Variants in CD44 observed in about 807,000 individuals in gnomAD.
CD44 encodes the protein CD44 molecule (IN blood group), also known as CD44 antigen.
A neutral mutation model predicts 88.8 loss-of-function variants in CD44; 49 were observed. The observed-to-expected ratio is 0.55, with a 90% confidence interval of 0.44 to 0.70. The LOEUF (loss-of-function observed/expected upper bound fraction) is 0.70, where lower values mean the gene tolerates loss of function less well. CD44 is among the 30% of genes least tolerant of loss of function. The pLI is 0.00. For missense variants in CD44, 883 were observed against 913.8 expected (o/e 0.97, Z 0.43); for synonymous variants, 325 against 312.3 (o/e 1.04, Z -0.43).
chr11:35,207,930 T>G (rs1464513528), intron 11 of CD44, among the ~76,000 whole-genome samples, 175 bp from the exon 12 acceptor site: 2 of 152,320 alleles, frequency 1.3e-5, no homozygotes, highest in East Asian at 1.9e-4. Context: ...AGTTACTTGT[T>G]GTGGTGCTCT....
At chr11:35,194,833 A>T (rs1160917081) in intron 5 of CD44, among the ~76,000 whole-genome samples, 1 of 152,254 alleles carries the variant, frequency 6.6e-6, no homozygotes, top group East Asian at 1.9e-4. Flanking sequence ...TGAAATTATG[A>T]AAAACTACAA....
chr11:35,181,905 T>TATTATATATTTATATTATATATA (rs1291148360), intron 3 of CD44, among the ~76,000 whole-genome samples: 9 of 66,104 alleles, frequency 1.4e-4, no homozygotes, highest in African/African-American at 7.1e-4. Context: ...ATATAATATA[T>TATTATATATTTATATTATATATA]AATATATATT....
intron 15 of CD44, 160 bp from the exon 16 acceptor site, chr11:35,219,156 G>A (rs889096491): frequency 3.6e-5 from 22 of 616,876 alleles, no homozygotes; most frequent in Non-Finnish European, 6.4e-5. Flanking sequence ...AGGTGGGGGG[G>A]AAATCTTTTG....
At chr11:35,217,514 A>G (rs1268294172) in intron 15 of CD44, among the ~76,000 whole-genome samples, 1 of 151,936 alleles carries the variant, frequency 6.6e-6, no homozygotes, top group Non-Finnish European at 1.5e-5. Context: ...AGGGCCTTGG[A>G]CTGTTTTGGA....
intron 3 of CD44, among the ~76,000 whole-genome samples, chr11:35,181,873 A>G (rs1456356132): frequency 7.5e-5 from 6 of 80,130 alleles, no homozygotes; most frequent in African/African-American, 3.7e-4. Context: ...ATATATATAT[A>G]TTATATATAA....
At chr11:35,145,880 C>T (rs1358911416) in intron 1 of CD44, among the ~76,000 whole-genome samples, 5 of 152,166 alleles carry the variant, frequency 3.3e-5, no homozygotes, top group African/African-American at 4.8e-5. Flanking sequence ...GGGGCAAATC[C>T]GTAGGGAATC....
intron 16 of CD44, among the ~76,000 whole-genome samples, chr11:35,220,427 G>A (rs1949198915): frequency 6.6e-6 from 1 of 152,158 alleles, no homozygotes. Context: ...CCAGGAAAAG[G>A]TGAGGCAAAG....
At chr11:35,201,873 G>C in intron 9 of CD44, 86 bp downstream of exon 9, 1 of 1,379,542 alleles carries the variant, frequency 7.2e-7, no homozygotes, top group Non-Finnish European at 1.0e-6. Context: ...TTAGAAATTG[G>C]CCGCATCTTC....
chr11:35,174,890 C>T (rs80176685), intron 1 of CD44, among the ~76,000 whole-genome samples: 14,864 of 152,140 alleles, frequency 0.098, 856 homozygotes, highest in African/African-American at 0.14. Context: ...AGTAAAAGGC[C>T]CTTGCTTTCT....
intron 12 of CD44, 81 bp downstream of exon 12, chr11:35,208,287 C>T: frequency 2.1e-6 from 2 of 950,272 alleles, no homozygotes; most frequent in South Asian, 2.6e-5. Context: ...AGATGCAGAG[C>T]TTTGGTGGTG....
intron 1 of CD44, among the ~76,000 whole-genome samples, chr11:35,159,588 C>G (rs1270978475): frequency 6.6e-6 from 1 of 152,166 alleles, no homozygotes; most frequent in Non-Finnish European, 1.5e-5. Context: ...CATTTATTAA[C>G]TATCTGTTAT....
At chr11:35,180,246 T>A (rs1204806475) in intron 2 of CD44, 28 bp from the exon 3 acceptor site, 1 of 1,612,982 alleles carries the variant, frequency 6.2e-7, no homozygotes, top group African/African-American at 1.3e-5. Context: ...GCCATTTAGG[T>A]CAATATCCTG....
chr11:35,190,400 T>C (rs1418858299), intron 5 of CD44: 2 of 316,556 alleles, frequency 6.3e-6, no homozygotes, highest in Non-Finnish European at 1.2e-5. Flanking sequence ...GTTTTCATTT[T>C]TTCATGTTTC....
intron 4 of CD44, among the ~76,000 whole-genome samples, chr11:35,189,285 G>C (rs1455476139): frequency 1.3e-5 from 2 of 152,148 alleles, no homozygotes; most frequent in African/African-American, 2.4e-5. Context: ...TGCACAAGTG[G>C]ACAAAACTTG....
At chr11:35,144,180 G>A (rs543145648) in intron 1 of CD44, among the ~76,000 whole-genome samples, 1 of 152,314 alleles carries the variant, frequency 6.6e-6, no homozygotes, top group South Asian at 2.1e-4. Context: ...GAGATCACCT[G>A]GGCCTCCTCA....
intron 1 of CD44, among the ~76,000 whole-genome samples, chr11:35,158,037 C>A (rs1028700793): frequency 2.0e-5 from 3 of 152,166 alleles, no homozygotes; most frequent in Non-Finnish European, 4.4e-5. Flanking sequence ...TCTGTTTGAG[C>A]TTCCTGTTCT....
rs928034042 is a variant in CD44 at position 35,198,259 on chromosome 11, A to T, written c.922+13A>T. The T allele has an allele frequency of 6.2e-7, 1 of 1,612,956 alleles. No homozygotes were observed. The highest frequency in any genetic ancestry group is 8.5e-7 in the Non-Finnish European group (1 of 1,179,252). The stretch of plus-strand genomic sequence containing the variant: ...ATCTCCAGCACCAGTAAGAATAATC[A>T]ATTACAGTACAGCCATTTATGCAAG... On this transcript the variant is annotated intron_variant, in intron 7 of 17. Coordinates refer to ENST00000428726, the MANE Select transcript of CD44 (RefSeq NM_000610.4).
intron 10 of CD44, 120 bp from the exon 11 acceptor site, chr11:35,205,992 A>G: frequency 7.2e-7 from 1 of 1,379,738 alleles, no homozygotes; most frequent in Non-Finnish European, 9.4e-7. Context: ...CCCTCTATAC[A>G]AGGAAGATGG....
chr11:35,160,237 T>C (rs1340624787), intron 1 of CD44, among the ~76,000 whole-genome samples: 8 of 152,228 alleles, frequency 5.3e-5, no homozygotes, highest in Admixed American at 1.3e-4. Context: ...TGTGTAGCAA[T>C]TTAGGAGGCT....
Sources: allele counts gnomAD v4.1 joint callset (sites outside exome capture counted in the v4.1 genomes callset), GRCh38; gene constraint gnomAD v4.1.1; transcripts MANE v1.5; gene names NCBI Gene and HGNC (gene_info 2026-07-23, HGNC 2026-07-21).